ZFP69: variants seen among roughly 807,000 people sequenced by gnomAD.
ZFP69 encodes the protein ZFP69 zinc finger protein, also known as zinc finger protein 69 homolog.
In ZFP69, 35 loss-of-function variants were observed where a neutral mutation model predicts 48.9. The observed-to-expected ratio is 0.72, with a 90% CI of 0.55 to 0.95. The LOEUF is 0.95. Among genes scored for constraint, ZFP69 ranks in the 40% least tolerant of loss-of-function variants. ZFP69 has a pLI of 0.00. For synonymous variants in ZFP69, 193 were observed against 216.8 expected (o/e 0.89, Z 0.96); for missense variants, 557 against 638.4 (o/e 0.87, Z 1.37).
chr1:40,491,610 G>A (rs1645568857), intron 5 of ZFP69, among the ~76,000 whole-genome samples: 1 of 152,102 alleles, frequency 6.6e-6, no homozygotes, highest in East Asian at 1.9e-4. Context: ...GTGAAAGGAA[G>A]TATATTTCTC....
chr1:40,479,509 G>A (rs1274202337), intron 2 of ZFP69, 21 bp downstream of exon 2: 2 of 1,598,656 alleles, frequency 1.3e-6, no homozygotes, highest in Admixed American at 1.7e-5. Context: ...ACTGATGGAG[G>A]GGGAAGAAGG....
intron 5 of ZFP69, chr1:40,491,055 A>G (rs1292395316): frequency 1.3e-5 from 2 of 152,250 alleles, no homozygotes; most frequent in African/African-American, 4.8e-5. Context: ...TATTACATGT[A>G]TAATGTAGTA....
rs1333300601 is a variant in ZFP69 at position 40,477,961 on chromosome 1, G to GC, written c.-327+67_-327+68insC. On this transcript the variant is annotated intron_variant, in intron 1 of 5. Coordinates refer to ENST00000372706, the MANE Select transcript of ZFP69 (RefSeq NM_001320179.2). This position sits in a 1 kb window ranked among gnomAD's most constrained non-coding sequence, Gnocchi z 4.0. ...CATGTCTGGGAGCACTGTGAGGGTGGGGCATCTTCGATATGAAGCTTCTCA... is the reference window on the plus strand; with the variant it reads ...CATGTCTGGGAGCACTGTGAGGGTGGCGGCATCTTCGATATGAAGCTTCTCA... The GC allele has an allele frequency of 6.6e-6, 1 of 152,320 alleles. No homozygotes were observed. The highest frequency in any genetic ancestry group is 1.5e-5 in the Non-Finnish European group (1 of 68,106). The allele number at this position is 152,320 out of a possible 1,614,324, so 9.4% of individuals were successfully genotyped here.
In ZFP69 at chr1:40,495,472, T is replaced by A. The variant is rs759608631; in HGVS notation, c.994T>A (p.Cys332Ser). 2.5e-6 allele frequency: 4 copies of A among 1,614,054 alleles called. No homozygotes were observed. The Admixed American group carries it at 6.7e-5, about 27-fold the overall frequency. Residue 332 changes from cysteine to serine, a missense_variant, in exon 6 of 6, where the codon TGT becomes AGT. Cys to Ser is a moderately radical substitution (Grantham distance 112). Coordinates refer to ENST00000372706, the MANE Select transcript of ZFP69 (RefSeq NM_001320179.2). ...TGEKPFECEE[C>S]GKAFRHRSSL... is the part of the protein sequence containing the mutation. ...TGAGAAACCCTTTGAATGTGAGGAA[T>A]GTGGGAAAGCCTTCAGACATCGCTC... is the stretch of plus-strand genomic sequence containing the variant.
Position 40,494,256 on chromosome 1 carries a change from ATTTTTTTTTTT to A in ZFP69, c.443-645_443-635del, listed in dbSNP as rs11286167. Among the ~76,000 whole-genome samples, 7 of 52,096 alleles carry A rather than the reference ATTTTTTTTTTT, an allele frequency of 1.3e-4. No individual in the cohort carries two copies. The East Asian group carries it at 3.1e-3, about 23-fold the overall frequency. 34.2% of individuals were successfully genotyped at this position (52,096 alleles called of 152,430 possible). Reference sequence around the variant, plus strand: ...TTAGAGCAGGACTAAAAGATTCAAAATTTTTTTTTTTTTTTTTTTTTTTTTTTTTTGAGACG... The same window carrying A: ...TTAGAGCAGGACTAAAAGATTCAAAATTTTTTTTTTTTTTTTTTTGAGACG... On this transcript the variant is annotated intron_variant, in intron 5 of 5. Coordinates refer to ENST00000372706, the MANE Select transcript of ZFP69 (RefSeq NM_001320179.2).
Position 40,495,708 on chromosome 1 carries a change from C to G in ZFP69, c.1230C>G (p.Pro410=). The G allele has an allele frequency of 6.2e-7, 1 of 1,614,156 alleles. No individual in the cohort carries two copies. The highest frequency in any genetic ancestry group is 8.5e-7 in the Non-Finnish European group (1 of 1,180,036). The change falls in exon 6 of 6, where the codon CCC becomes CCG. Residue 410 remains proline (P), a synonymous_variant. Transcript: ENST00000372706. ...TAAGAATTCATACCGGGGAGAAGCC[C>G]TATGCATGCACTGCATGTTGTAAAA... ...EHIRIHTGEK[P]YACTACCKTF...
intron 1 of ZFP69, among the ~76,000 whole-genome samples, chr1:40,478,606 T>C (rs1052782525): frequency 2.6e-5 from 4 of 152,222 alleles, no homozygotes; most frequent in African/African-American, 9.6e-5. Flanking sequence ...AAATTAATAC[T>C]ATGATTCAGC....
At chr1:40,494,068 T>G (rs1301715718) in intron 5 of ZFP69, among the ~76,000 whole-genome samples, 5 of 152,116 alleles carry the variant, frequency 3.3e-5, no homozygotes, top group Non-Finnish European at 1.5e-5. Context: ...TGTGTATTCT[T>G]AGTTCAAACT....
Position 40,484,827 on chromosome 1 carries a change from C to T in ZFP69, c.219+2973C>T, listed in dbSNP as rs894623939. Among the ~76,000 whole-genome samples the T allele has an allele frequency of 2.0e-5, 3 of 150,278 alleles. 1 individual carries two copies. In the South Asian group the frequency reaches 6.3e-4, roughly 32 times the overall value. On this transcript the variant is annotated intron_variant, in intron 3 of 5. Coordinates refer to ENST00000372706, the MANE Select transcript of ZFP69 (RefSeq NM_001320179.2). ...TGATCTCCTGACCTCGTGATCCGCC[C>T]GCCTCTCCCTCCCAAAGGGCTGAGA...
Position 40,495,908 on chromosome 1 carries a change from G to A in ZFP69, c.1430G>A (p.Arg477Lys). The change falls in exon 6 of 6, where the codon AGG becomes AAG. Residue 477 changes from arginine to lysine, a missense_variant. Coordinates refer to ENST00000372706, the MANE Select transcript of ZFP69 (RefSeq NM_001320179.2). ...TGCAACCGCTGTGGAAAAGCCTATA[G>A]GCATGATTCATCCTTTAAAAAACAT... is the stretch of plus-strand genomic sequence containing the variant. ...YECNRCGKAYRHDSSFKKHQR... is the reference protein window; with the variant it reads ...YECNRCGKAYKHDSSFKKHQR... The A allele has an allele frequency of 3.7e-6, 6 of 1,614,170 alleles. No homozygotes were observed. The highest frequency in any genetic ancestry group is 5.1e-6 in the Non-Finnish European group (6 of 1,180,034).
chr1:40,492,190 T>C (rs2124459651), intron 5 of ZFP69, among the ~76,000 whole-genome samples: 1 of 152,300 alleles, frequency 6.6e-6, no homozygotes, highest in Non-Finnish European at 1.5e-5. Flanking sequence ...CTCCATTTTA[T>C]CATATATGTG....
At chr1:40,487,145 G>T (rs1188449000) in intron 3 of ZFP69, among the ~76,000 whole-genome samples, 1 of 151,768 alleles carries the variant, frequency 6.6e-6, no homozygotes, top group Non-Finnish European at 1.5e-5. Context: ...GGATGGTCTT[G>T]ATATCTTGAC....
Position 40,495,949 on chromosome 1 carries a change from G to A in ZFP69, c.1471G>A (p.Gly491Arg). 6.2e-7 allele frequency: 1 copy of A among 1,614,126 alleles called. No individual in the cohort carries two copies. The highest frequency in any genetic ancestry group is 8.5e-7 in the Non-Finnish European group (1 of 1,180,032). Reference protein sequence around the residue: ...SFKKHQRHHTGEKPYECNECG... With the variant: ...SFKKHQRHHTREKPYECNECG... Reference sequence around the variant, plus strand: ...TAAAAAACATCAGAGACATCACACTGGAGAAAAACCTTACGAATGTAACGA... The same window carrying A: ...TAAAAAACATCAGAGACATCACACTAGAGAAAAACCTTACGAATGTAACGA... The change falls in exon 6 of 6, where the codon GGA (glycine) becomes AGA (arginine). Residue 491 changes from glycine to arginine, a missense_variant. Transcript: ENST00000372706.
In ZFP69 at chr1:40,495,366, G is replaced by C; in HGVS notation, c.888G>C (p.Glu296Asp). ...AACATATGAGAATTCATACTGGTGAGAAACCTTTCAGATGTAAGGAATGTG... is the reference window on the plus strand; with the variant it reads ...AACATATGAGAATTCATACTGGTGACAAACCTTTCAGATGTAAGGAATGTG... The part of the protein sequence containing the change: ...LTEHMRIHTG[E>D]KPFRCKECGR... The change falls in exon 6 of 6, where the codon GAG (glutamate) becomes GAC (aspartate). Residue 296 changes from glutamate to aspartate, a missense_variant. Physicochemically the swap from Glu to Asp is conservative, Grantham distance 45. Transcript: ENST00000372706. The C allele has an allele frequency of 6.2e-7, 1 of 1,614,172 alleles. No individual in the cohort carries two copies. The highest frequency in any genetic ancestry group is 1.1e-5 in the South Asian group (1 of 91,082).
intron 2 of ZFP69, among the ~76,000 whole-genome samples, chr1:40,480,478 T>C (rs1241817089): frequency 6.6e-6 from 1 of 151,938 alleles, no homozygotes; most frequent in African/African-American, 2.4e-5. Flanking sequence ...TTTTTTTTAT[T>C]GGTTACAAAA....
At chr1:40,486,476 TCCTC>T (rs879356911) in intron 3 of ZFP69, among the ~76,000 whole-genome samples, 3 of 90,872 alleles carry the variant, frequency 3.3e-5, no homozygotes, top group Admixed American at 1.6e-4. Context: ...CCTCCTTTCT[TCCTC>T]CCTCCCTCCC....
At chr1:40,492,807 C>T (rs535227596) in intron 5 of ZFP69, among the ~76,000 whole-genome samples, 2 of 152,258 alleles carry the variant, frequency 1.3e-5, no homozygotes, top group East Asian at 3.9e-4. Flanking sequence ...TTCTCCTGTA[C>T]ATATTGTACA....
intron 3 of ZFP69, among the ~76,000 whole-genome samples, chr1:40,483,825 C>G (rs1404983791): frequency 6.6e-6 from 1 of 152,080 alleles, no homozygotes; most frequent in Non-Finnish European, 1.5e-5. Context: ...GCCTGTGGTC[C>G]CAGCACTTTG....
Position 40,495,355 on chromosome 1 carries a change from C to A in ZFP69, c.877C>A (p.His293Asn), listed in dbSNP as rs1275456660. Reference sequence around the variant, plus strand: ...TCACCTTACTGAACATATGAGAATTCATACTGGTGAGAAACCTTTCAGATG... The same window carrying A: ...TCACCTTACTGAACATATGAGAATTAATACTGGTGAGAAACCTTTCAGATG... ...PIHLTEHMRI[H>N]TGEKPFRCKE... Residue 293 changes from histidine to asparagine, a missense_variant, in exon 6 of 6, where the codon CAT becomes AAT. Coordinates refer to ENST00000372706, the MANE Select transcript of ZFP69 (RefSeq NM_001320179.2). 1.9e-6 allele frequency: 3 copies of A among 1,614,006 alleles called. No individual in the cohort carries two copies. The highest frequency in any genetic ancestry group is 2.5e-6 in the Non-Finnish European group (3 of 1,180,026).
Sources: allele counts gnomAD v4.1 joint callset (sites outside exome capture counted in the v4.1 genomes callset), GRCh38; gene constraint gnomAD v4.1.1; non-coding constraint Gnocchi (gnomAD v3.1); transcripts MANE v1.5; gene names NCBI Gene and HGNC (gene_info 2026-07-23, HGNC 2026-07-21).